Variants in ZFHX3 observed in about 807,000 individuals in gnomAD.
The protein encoded by ZFHX3 is zinc finger homeobox 3, also known as zinc finger homeobox protein 3.
A neutral mutation model predicts 279.1 loss-of-function variants in ZFHX3; 42 were observed. The ratio of observed to expected loss-of-function variants is 0.15; its 90% CI spans 0.12 to 0.19. ZFHX3 has a LOEUF of 0.19. Among genes scored for constraint, ZFHX3 ranks in the 10% least tolerant of loss-of-function variants. The pLI is 1.00. For synonymous variants in ZFHX3, 2,293 were observed against 1,957.8 expected, an observed-to-expected ratio of 1.17 and a Z score of -4.52; for missense variants, 4,981 against 4,754.0, an observed-to-expected ratio of 1.05 and a Z score of -1.40.
chr16:72,872,660 T>C (rs2038193449), intron 4 of ZFHX3, among the ~76,000 whole-genome samples: 1 of 152,208 alleles, frequency 6.6e-6, no homozygotes, highest in Non-Finnish European at 1.5e-5. Context: ...GGTTTCACTA[T>C]GTTGGCCAGG....
intron 8 of ZFHX3, among the ~76,000 whole-genome samples, chr16:73,085,985 C>CAAAAAAAAAAAA (rs57128744): frequency 6.3e-4 from 34 of 54,160 alleles, no homozygotes; most frequent in East Asian, 2.9e-3. Flanking sequence ...AACTCAATTG[C>CAAAAAAAAAAAA]AAAAAAAAAA....
intron 1 of ZFHX3, among the ~76,000 whole-genome samples, chr16:72,989,692 T>G (rs1373570642): frequency 6.6e-6 from 1 of 152,084 alleles, no homozygotes; most frequent in Non-Finnish European, 1.5e-5. Flanking sequence ...GCCAAATGAG[T>G]TAGCAGTAAC....
intron 1 of ZFHX3, among the ~76,000 whole-genome samples, chr16:73,845,688 T>C (rs1005771798): frequency 1.3e-5 from 2 of 152,250 alleles, no homozygotes; most frequent in Admixed American, 6.5e-5. Flanking sequence ...ACATGCGTTG[T>C]CATGGATCAA....
chr16:72,999,228 C>T (rs573525374), intron 1 of ZFHX3, among the ~76,000 whole-genome samples: 1 of 152,372 alleles, frequency 6.6e-6, no homozygotes, highest in African/African-American at 2.4e-5. Context: ...TCCCTCACTG[C>T]AACCTCCGCC....
chr16:73,667,871 C>T (rs1006768312), intron 2 of ZFHX3, among the ~76,000 whole-genome samples: 2 of 152,194 alleles, frequency 1.3e-5, no homozygotes, highest in Non-Finnish European at 2.9e-5. Context: ...CTTCCACTTC[C>T]CTTGTCCAAA....
chr16:72,987,913 C>T (rs9927735), intron 1 of ZFHX3, among the ~76,000 whole-genome samples: 5,190 of 152,270 alleles, frequency 0.034, 174 homozygotes, highest in East Asian at 0.092. Flanking sequence ...CCAAGCTGGA[C>T]GCCCTATTCA....
Position 72,835,530 on chromosome 16 carries a change from T to A in ZFHX3, c.3449-5671A>T, listed in dbSNP as rs139231003. ...CTCTTCTTTGAAAAACAAAATAACC[T>A]ATCTGCTTACTTTGAAGATAGAGTT... is the stretch of plus-strand genomic sequence containing the variant. On this transcript the variant is annotated intron_variant, in intron 4 of 9. Transcript: ENST00000268489. Among the ~76,000 whole-genome samples, 67 of 152,298 alleles carry A rather than the reference T, an allele frequency of 4.4e-4. No homozygotes were observed. In the South Asian group the frequency reaches 6.4e-3, roughly 15 times the overall value.
intron 9 of ZFHX3, chr16:72,789,138 G>A: frequency 3.1e-6 from 1 of 327,834 alleles, no homozygotes; most frequent in Admixed American, 4.4e-5. Flanking sequence ...TTCTAATGAG[G>A]ACTCAGTCCT....
intron 5 of ZFHX3, among the ~76,000 whole-genome samples, chr16:73,164,245 G>C (rs914073291): frequency 5.3e-5 from 8 of 152,148 alleles, no homozygotes; most frequent in Non-Finnish European, 1.2e-4. Flanking sequence ...GTCATGCATG[G>C]GTTGACTGTG....
At chr16:72,994,917 G>A (rs780728467) in intron 1 of ZFHX3, among the ~76,000 whole-genome samples, 17 of 152,140 alleles carry the variant, frequency 1.1e-4, no homozygotes, top group African/African-American at 2.4e-4. Flanking sequence ...GCAATATTCC[G>A]GAACCCCTGT....
exon 1 of ZFHX3, chr16:73,891,738 T>G (rs1410981587): frequency 7.0e-6 from 1 of 141,862 alleles, no homozygotes; most frequent in East Asian, 2.1e-4. Context: ...GGGTTTTTAG[T>G]TCTCTCTCTC....
intron 4 of ZFHX3, among the ~76,000 whole-genome samples, chr16:72,859,005 C>T (rs766150961): frequency 3.9e-5 from 6 of 152,364 alleles, no homozygotes; most frequent in East Asian, 1.9e-4. Flanking sequence ...ACAGCCAGGC[C>T]GGACTGGCCA....
chr16:72,831,070 A>G (rs2037049255), intron 4 of ZFHX3, among the ~76,000 whole-genome samples: 1 of 152,208 alleles, frequency 6.6e-6, no homozygotes, highest in Admixed American at 6.5e-5. Flanking sequence ...GACCCTCTAG[A>G]AAACAGCCTC....
intron 3 of ZFHX3, chr16:73,400,858 T>A (rs904209452): frequency 4.6e-5 from 7 of 152,150 alleles, no homozygotes; most frequent in African/African-American, 1.7e-4. Context: ...AGCCACTTAT[T>A]ACCTTGTGTT....
intron 1 of ZFHX3, among the ~76,000 whole-genome samples, chr16:73,723,019 G>T (rs550004751): frequency 2.0e-5 from 3 of 152,158 alleles, no homozygotes; most frequent in South Asian, 2.1e-4. Flanking sequence ...AAATGCTAAG[G>T]CCCCATGACA....
intron 5 of ZFHX3, among the ~76,000 whole-genome samples, chr16:73,151,051 A>C (rs1966928475): frequency 6.6e-6 from 1 of 152,210 alleles, no homozygotes; most frequent in Non-Finnish European, 1.5e-5. Flanking sequence ...GAACCTTGAA[A>C]TCATGCTAAA....
intron 5 of ZFHX3, among the ~76,000 whole-genome samples, chr16:73,252,386 T>C (rs2013536700): frequency 6.6e-6 from 1 of 152,074 alleles, no homozygotes; most frequent in African/African-American, 2.4e-5. Flanking sequence ...AGAGACCCTG[T>C]AGAAGCAGAA....
intron 4 of ZFHX3, among the ~76,000 whole-genome samples, chr16:73,283,960 C>T (rs2014523304): frequency 6.6e-6 from 1 of 150,584 alleles, no homozygotes; most frequent in African/African-American, 2.4e-5. Context: ...AAAAAGCCCT[C>T]TTATTTTAAA....
At chr16:73,317,771 T>G (rs2015487100) in intron 4 of ZFHX3, among the ~76,000 whole-genome samples, 1 of 152,134 alleles carries the variant, frequency 6.6e-6, no homozygotes, top group African/African-American at 2.4e-5. Context: ...TTTCATTGTT[T>G]GGAGAATGTG....
Sources: gnomAD v4.1 joint callset for allele counts (sites outside exome capture counted in the v4.1 genomes callset) on GRCh38, gnomAD v4.1.1 for gene constraint, MANE v1.5 for transcripts, NCBI Gene and HGNC (gene_info 2026-07-23, HGNC 2026-07-21) for gene names.